SERPINA11: variants seen among roughly 807,000 people sequenced by gnomAD.
SERPINA11 encodes serpin A11.
A neutral mutation model predicts 29.4 loss-of-function variants in SERPINA11; 28 were observed. The observed-to-expected ratio is 0.95, with a 90% confidence interval of 0.70 to 1.30. The LOEUF (loss-of-function observed/expected upper bound fraction) is 1.30, where lower values mean the gene tolerates loss of function less well. SERPINA11 is among the 50% of genes most tolerant of loss of function. SERPINA11 has a pLI of 0.00. For synonymous variants in SERPINA11, 253 were observed against 206.6 expected (o/e 1.22, Z -1.92); for missense variants, 530 against 507.3 (o/e 1.04, Z -0.43).
Position 94,448,159 on chromosome 14 carries a change from C to A in SERPINA11, c.616G>T (p.Val206Phe), listed in dbSNP as rs759074538. ...TTGAAGAAGATGTAATTGGCAAGAACCATGAACGTGTCCTGGCTGAACTCC... is the reference window on the plus strand; with the variant it reads ...TTGAAGAAGATGTAATTGGCAAGAAACATGAACGTGTCCTGGCTGAACTCC... ...LPEFSQDTFM[V>F]LANYIFFKAK... Residue 206 changes from valine (V) to phenylalanine (F), a missense_variant, in exon 2 of 5, where the codon GTT (valine) becomes TTT (phenylalanine). By Grantham distance (50) the Val-to-Phe change is conservative. Transcript: ENST00000334708. 6.2e-7 allele frequency: 1 copy of A among 1,614,136 alleles called. No homozygotes were observed. The highest frequency in any genetic ancestry group is 1.3e-5 in the African/African-American group (1 of 75,054).
At chr14:94,451,206 T>C (rs1331541007) in intron 1 of SERPINA11, among the ~76,000 whole-genome samples, 3 of 152,368 alleles carry the variant, frequency 2.0e-5, no homozygotes, top group East Asian at 3.9e-4. Context: ...TTGTAGCCCC[T>C]GGTGCCCTAA....
chr14:94,448,765 C>T lies in SERPINA11; in HGVS notation c.10G>A (p.Ala4Thr). 1 of 1,510,244 alleles carries T rather than the reference C, an allele frequency of 6.6e-7. No individual in the cohort carries two copies. The highest frequency in any genetic ancestry group is 2.3e-5 in the East Asian group (1 of 43,890). 93.6% of individuals were successfully genotyped at this position (1,510,244 alleles called of 1,614,324 possible). MGP[A>T]WLWLLGTGIL... ...CCTGTTCCCAGTAGCCAAAGCCAAG[C>T]TGGACCCATTCTCTGAAAACAAGAG... is the stretch of plus-strand genomic sequence containing the variant. Residue 4 changes from alanine (A) to threonine (T), a missense_variant, in exon 2 of 5, where the codon GCT becomes ACT. Physicochemically the swap from Ala to Thr is moderately conservative, Grantham distance 58. Coordinates refer to ENST00000334708, the MANE Select transcript of SERPINA11 (RefSeq NM_001080451.2).
chr14:94,445,797 A>G (rs1037274031), intron 3 of SERPINA11, among the ~76,000 whole-genome samples: 8 of 152,108 alleles, frequency 5.3e-5, no homozygotes, highest in African/African-American at 1.9e-4. Flanking sequence ...AGCTAGTCTC[A>G]AACTCCTGGC....
chr14:94,449,404 CTATTCT>C (rs1898521816), intron 1 of SERPINA11, among the ~76,000 whole-genome samples: 1 of 31,530 alleles, frequency 3.2e-5, no homozygotes, highest in African/African-American at 1.0e-4. Flanking sequence ...TTCTTTCTTT[CTATTCT>C]TTCTTTCTTT....
At chr14:94,450,936 C>T (rs1298979881) in intron 1 of SERPINA11, among the ~76,000 whole-genome samples, 1 of 152,166 alleles carries the variant, frequency 6.6e-6, no homozygotes, top group African/African-American at 2.4e-5. Flanking sequence ...CACATTGCTA[C>T]TGGGACCCTC....
chr14:94,451,540 C>T (rs1412875139), intron 1 of SERPINA11, among the ~76,000 whole-genome samples: 1 of 152,166 alleles, frequency 6.6e-6, no homozygotes, highest in Non-Finnish European at 1.5e-5. Flanking sequence ...TCTTTTTATC[C>T]CATTGAACTC....
Position 94,442,474 on chromosome 14 carries a change from C to T in SERPINA11, c.*132G>A. On this transcript the variant is annotated 3_prime_UTR_variant, in exon 5 of 5. Transcript: ENST00000334708. ...GATTGCTCCTTAGTGTTCACAGAAC[C>T]CAAGGTCAACTTTATTAGAATCTTG... is the stretch of plus-strand genomic sequence containing the variant. The T allele has an allele frequency of 3.1e-6, 2 of 654,906 alleles. No homozygotes were observed. The highest frequency in any genetic ancestry group is 2.6e-6 in the Non-Finnish European group (1 of 381,980). The allele number at this position is 654,906 out of a possible 1,614,324, so 40.6% of individuals were successfully genotyped here. A position where few individuals can be genotyped will look rare whatever the true frequency, so the allele number is the denominator to read the frequency against.
chr14:94,443,151 C>T lies in SERPINA11; in HGVS notation c.992G>A (p.Gly331Asp), dbSNP rs1379667990. The T allele has an allele frequency of 1.2e-6, 2 of 1,613,952 alleles. No homozygotes were observed. Among genetic ancestry groups the T allele is most frequent in the Non-Finnish European group, 8.5e-7 (1 of 1,179,986 alleles). Residue 331 changes from glycine (G) to aspartate (D), a missense_variant, in exon 4 of 5, where the codon GGT (glycine) becomes GAT (aspartate). Physicochemically the swap from Gly to Asp is moderately conservative, Grantham distance 94. Transcript: ENST00000334708. The part of the protein sequence containing the change: ...YNLEDILPQI[G>D]LTNILNLEAD... Reference sequence around the variant, plus strand: ...TTCTAAGTTGAGTATGTTGGTGAGACCAATTTGGGGAAGTATGTCTTCCAG... The same window carrying T: ...TTCTAAGTTGAGTATGTTGGTGAGATCAATTTGGGGAAGTATGTCTTCCAG...
chr14:94,443,043 C>T lies in SERPINA11; in HGVS notation c.1065+35G>A, dbSNP rs777960085. 4 of 1,587,268 alleles carry T rather than the reference C, an allele frequency of 2.5e-6. No homozygotes were observed. In the Admixed American group the frequency reaches 5.4e-5, roughly 21 times the overall value. On this transcript the variant is annotated intron_variant, in intron 4 of 4. Coordinates refer to ENST00000334708, the MANE Select transcript of SERPINA11 (RefSeq NM_001080451.2). ...AAAGGAGAAACCTCCTACCTACCCCCACCTGCCCACAAACATCCATGTTCA... is the reference window on the plus strand; with the variant it reads ...AAAGGAGAAACCTCCTACCTACCCCTACCTGCCCACAAACATCCATGTTCA...
intron 2 of SERPINA11, among the ~76,000 whole-genome samples, 157 bp downstream of exon 2, chr14:94,447,975 C>G (rs1460861574): frequency 6.6e-6 from 1 of 152,214 alleles, no homozygotes; most frequent in African/African-American, 2.4e-5. Context: ...CACTTATTTC[C>G]AACCCACATG....
chr14:94,450,211 A>T (rs545904546), intron 1 of SERPINA11, among the ~76,000 whole-genome samples: 4 of 152,100 alleles, frequency 2.6e-5, no homozygotes, highest in African/African-American at 4.8e-5. Flanking sequence ...GATGTCTGTT[A>T]CGTGCTGAAT....
chr14:94,443,369 G>T, intron 3 of SERPINA11, 144 bp from the exon 4 acceptor site: 1 of 708,720 alleles, frequency 1.4e-6, no homozygotes, highest in Non-Finnish European at 2.3e-6. Flanking sequence ...TGTTCACTAT[G>T]GCGGACCATG....
Position 94,442,807 on chromosome 14 carries a change from C to A in SERPINA11, c.1068G>T (p.Val356=). The A allele has an allele frequency of 3.7e-6, 6 of 1,601,664 alleles. No homozygotes were observed. Among genetic ancestry groups the A allele is most frequent in the Non-Finnish European group, 5.1e-6 (6 of 1,174,224 alleles). The part of the protein sequence containing the change: ...TGQLNKTISK[V]SHKAMVDMSE... Reference sequence around the variant, plus strand: ...TCATGTCCACCATCGCCTTGTGTGACACCTAGAGGACAAGAGGAGATGAAG... The same window carrying A: ...TCATGTCCACCATCGCCTTGTGTGAAACCTAGAGGACAAGAGGAGATGAAG... Residue 356 remains valine (V), a splice_region_variant and synonymous_variant, in exon 5 of 5, where the codon GTG becomes GTT. Coordinates refer to ENST00000334708, the MANE Select transcript of SERPINA11 (RefSeq NM_001080451.2).
At chr14:94,448,873 C>T (rs1395840146) in intron 1 of SERPINA11, 96 bp from the exon 2 acceptor site, 2 of 1,202,562 alleles carry the variant, frequency 1.7e-6, no homozygotes, top group Admixed American at 2.6e-5. Flanking sequence ...CAATGTGCCC[C>T]ACAGGGCTGC....
Position 94,448,571 on chromosome 14 carries a change from G to T in SERPINA11, c.204C>A (p.Asp68Glu), listed in dbSNP as rs376318707. 4 of 1,614,062 alleles carry T rather than the reference G, an allele frequency of 2.5e-6. No individual in the cohort carries two copies. Among genetic ancestry groups the T allele is most frequent in the African/African-American group, 2.7e-5 (2 of 74,912 alleles). The change falls in exon 2 of 5, where the codon GAC (aspartate) becomes GAA (glutamate). Residue 68 changes from aspartate (D) to glutamate (E), a missense_variant. Transcript: ENST00000334708. Reference protein sequence around the residue: ...ALRLYKELAADAPGNIFFSPV... With the variant: ...ALRLYKELAAEAPGNIFFSPV... The stretch of plus-strand genomic sequence containing the variant: ...GCGAGAAGAAGATGTTTCCGGGGGC[G>T]TCTGCTGCCAGCTCTTTATACAAAC...
At chr14:94,449,406 ATTCTTTCTTTCTTTCTTTCTTTCTTTCT>A (rs869124586) in intron 1 of SERPINA11, among the ~76,000 whole-genome samples, 9 of 40,730 alleles carry the variant, frequency 2.2e-4, no homozygotes, top group Admixed American at 1.0e-3. Flanking sequence ...CTTTCTTTCT[ATTCTTTCTTTCTTTCTTTCTTTCTTTCT>A]TTCTTTCTTT....
intron 3 of SERPINA11, among the ~76,000 whole-genome samples, chr14:94,444,154 C>T (rs1047986939): frequency 2.0e-5 from 3 of 152,128 alleles, no homozygotes; most frequent in South Asian, 2.1e-4. Context: ...AAGCAAGACC[C>T]GCGCCAGTTG....
Position 94,448,533 on chromosome 14 carries a change from G to T in SERPINA11, c.242C>A (p.Ser81Tyr). The change falls in exon 2 of 5, where the codon TCC becomes TAC. Residue 81 changes from serine (S) to tyrosine (Y), a missense_variant. By Grantham distance (144) the Ser-to-Tyr change is moderately radical. Transcript: ENST00000334708. ...GNIFFSPVSI[S>Y]TTLALLSLGA... The stretch of plus-strand genomic sequence containing the variant: ...AAGAGAGAGCAGGGCCAGGGTGGTG[G>T]AGATGCTCACTGGCGAGAAGAAGAT... 6.2e-7 allele frequency: 1 copy of T among 1,614,216 alleles called. No homozygotes were observed. The highest frequency in any genetic ancestry group is 1.1e-5 in the South Asian group (1 of 91,078).
In SERPINA11 at chr14:94,449,435, TTC is replaced by T. The variant is rs540746979; in HGVS notation, c.-3-660_-3-659del. ...TTTCTTTCTTTCTTTCTTTCTTTCT[TTC>T]TTTCTTTCTTTCTTTCTTTCTTTCT... On this transcript the variant is annotated intron_variant, in intron 1 of 4. Coordinates refer to ENST00000334708, the MANE Select transcript of SERPINA11 (RefSeq NM_001080451.2). Among the ~76,000 whole-genome samples, 244 of 104,342 alleles carry T rather than the reference TTC, an allele frequency of 2.3e-3. 5 individuals carry two copies. The highest frequency in any genetic ancestry group is 7.5e-3 in the South Asian group (22 of 2,940). The allele number at this position is 104,342 out of a possible 152,430, so 68.5% of individuals were successfully genotyped here.
Sources: gnomAD v4.1 joint callset for allele counts (sites outside exome capture counted in the v4.1 genomes callset) on GRCh38, gnomAD v4.1.1 for gene constraint, MANE v1.5 for transcripts, NCBI Gene and HGNC (gene_info 2026-07-23, HGNC 2026-07-21) for gene names.